Variants in HYDIN observed in about 807,000 individuals in gnomAD.
HYDIN encodes axonemal central pair apparatus protein HYDIN.
In HYDIN, 132 loss-of-function variants were observed where a neutral mutation model predicts 403.9. The ratio of observed to expected loss-of-function variants is 0.33; its 90% CI spans 0.28 to 0.38. The LOEUF is 0.38. Ranked by LOEUF, HYDIN falls within the 10% of genes least tolerant of loss-of-function variation. The pLI is 1.00. For missense variants in HYDIN, 2,827 were observed against 5,009.5 expected (o/e 0.56, Z 13.15); for synonymous variants, 1,202 against 1,891.7 (o/e 0.64, Z 9.46).
intron 23 of HYDIN, among the ~76,000 whole-genome samples, chr16:71,003,224 A>T (rs2079779426): frequency 1.3e-5 from 2 of 152,146 alleles, no homozygotes; most frequent in African/African-American, 4.8e-5. Flanking sequence ...GGCTAGTCTT[A>T]TCCCTCTTCT....
At chr16:71,141,381 A>C (rs1406882626) in intron 7 of HYDIN, among the ~76,000 whole-genome samples, 1 of 151,962 alleles carries the variant, frequency 6.6e-6, no homozygotes, top group Non-Finnish European at 1.5e-5. Flanking sequence ...AAAACAATAT[A>C]AATGAGAATT....
At chr16:70,819,021 C>T (rs1224752184) in intron 83 of HYDIN, among the ~76,000 whole-genome samples, 2 of 149,508 alleles carry the variant, frequency 1.3e-5, no homozygotes, top group African/African-American at 5.1e-5. Flanking sequence ...TCAAGTGATT[C>T]TCCTGCATCA....
rs922914817 is a variant in HYDIN at position 70,850,249 on chromosome 16, C to T, written c.12651+199G>A. Among the ~76,000 whole-genome samples the T allele has an allele frequency of 4.2e-5, 6 of 144,244 alleles. No individual in the cohort carries two copies. The South Asian group carries it at 6.3e-4, about 15-fold the overall frequency. 94.6% of individuals were successfully genotyped at this position (144,244 alleles called of 152,430 possible). ...TTCTTCTCCCCACCATCTCTCCACC[C>T]CCCCCTGAAAATAAAATAAGAAAAG... On this transcript the variant is annotated intron_variant, in intron 74 of 85. Coordinates refer to ENST00000393567, the MANE Select transcript of HYDIN (RefSeq NM_001270974.2).
At chr16:70,872,405 TC>T (rs1407602114) in intron 64 of HYDIN, among the ~76,000 whole-genome samples, 3,379 of 140,280 alleles carry the variant, frequency 0.024, 147 homozygotes, top group African/African-American at 0.096. Context: ...CATCCATCCA[TC>T]CATCCATCAT....
rs1464022500 is a variant in HYDIN at position 70,902,815 on chromosome 16, A to T, written c.8849+810T>A. On this transcript the variant is annotated intron_variant, in intron 52 of 85. Coordinates refer to ENST00000393567, the MANE Select transcript of HYDIN (RefSeq NM_001270974.2). ...TTTAAATATATATATATATATATAT[A>T]TATATATTTTTTTTTTTTTTTTTGT... Among the ~76,000 whole-genome samples, 13 of 16,292 alleles carry T rather than the reference A, an allele frequency of 8.0e-4. 1 individual carries two copies. The highest frequency in any genetic ancestry group is 2.8e-3 in the African/African-American group (11 of 3,896). 10.7% of individuals were successfully genotyped at this position (16,292 alleles called of 152,430 possible).
rs115761180 is a variant in HYDIN, at chr16:71,230,689, C to T, written c.-151G>A. On this transcript the variant is annotated 5_prime_UTR_variant, in exon 1 of 86. Transcript: ENST00000393567. ...CTTGAAGCCGCCCGCACTCTCCATG[C>T]GCCGCCCGAGCTGTTGCCGTCCGTT... 3.3e-6 allele frequency: 5 copies of T among 1,536,066 alleles called. No homozygotes were observed. In the Admixed American group the frequency reaches 7.8e-5, roughly 24 times the overall value.
At chr16:71,163,189 C>A (rs1165073431) in intron 5 of HYDIN, among the ~76,000 whole-genome samples, 3 of 145,006 alleles carry the variant, frequency 2.1e-5, no homozygotes, top group African/African-American at 7.7e-5. Context: ...GTGGCGCAAT[C>A]TCTGCTCACT....
At chr16:71,053,032 T>C (rs2081717434) in intron 18 of HYDIN, among the ~76,000 whole-genome samples, 1 of 151,886 alleles carries the variant, frequency 6.6e-6, no homozygotes, top group Non-Finnish European at 1.5e-5. Context: ...ATATAACATC[T>C]ATAAATAAAT....
chr16:71,197,078 T>C (rs1288202335), intron 1 of HYDIN, among the ~76,000 whole-genome samples: 4 of 152,170 alleles, frequency 2.6e-5, no homozygotes, highest in Non-Finnish European at 5.9e-5. Flanking sequence ...AAGAACCCTC[T>C]CTTGGGGTCT....
chr16:71,102,157 A>C (rs1340279559), intron 10 of HYDIN, among the ~76,000 whole-genome samples: 1 of 151,948 alleles, frequency 6.6e-6, no homozygotes, highest in African/African-American at 2.4e-5. Context: ...AAAACCAAGG[A>C]AATGATTAAC....
chr16:70,863,477 T>C (rs1390757678), intron 67 of HYDIN, among the ~76,000 whole-genome samples: 1 of 152,202 alleles, frequency 6.6e-6, no homozygotes, highest in Non-Finnish European at 1.5e-5. Context: ...GCAGTAATCC[T>C]AAACCCCCAC....
At chr16:70,961,307 C>T (rs1337555083) in intron 38 of HYDIN, among the ~76,000 whole-genome samples, 2 of 151,998 alleles carry the variant, frequency 1.3e-5, no homozygotes, top group Non-Finnish European at 2.9e-5. Flanking sequence ...CTCAGTTTTG[C>T]CATTACATGT....
intron 64 of HYDIN, among the ~76,000 whole-genome samples, chr16:70,872,591 C>A (rs1431278118): frequency 1.3e-5 from 2 of 150,604 alleles, no homozygotes; most frequent in African/African-American, 4.9e-5. Flanking sequence ...ATCCATCCAC[C>A]CACCCATCCA....
chr16:71,179,406 A>G (rs748846277), intron 3 of HYDIN, among the ~76,000 whole-genome samples: 13 of 152,158 alleles, frequency 8.5e-5, no homozygotes, highest in Non-Finnish European at 1.5e-4. Context: ...TCAAAAACGA[A>G]GTTTGAATAA....
chr16:70,989,988 T>C (rs1041919040), intron 25 of HYDIN, among the ~76,000 whole-genome samples: 6 of 152,226 alleles, frequency 3.9e-5, no homozygotes, highest in African/African-American at 1.2e-4. Context: ...GCAAGCAAGA[T>C]GGTCGAGTCT....
chr16:71,020,211 C>T lies in HYDIN; in HGVS notation c.3293G>A (p.Cys1098Tyr). ...CGGCAGCAGGGATTTATCAGTCTCACATATAAAGAAGGGTCCAGATGTTGA... is the reference window on the plus strand; with the variant it reads ...CGGCAGCAGGGATTTATCAGTCTCATATATAAAGAAGGGTCCAGATGTTGA... ...LLSTSGPFFICETDKSLLPAT... is the reference protein window; with the variant it reads ...LLSTSGPFFIYETDKSLLPAT... Residue 1098 changes from cysteine (C) to tyrosine (Y), a missense_variant, in exon 22 of 86, where the codon TGT becomes TAT. Cys to Tyr is a radical substitution (Grantham distance 194). Coordinates refer to ENST00000393567, the MANE Select transcript of HYDIN (RefSeq NM_001270974.2). 6.2e-7 allele frequency: 1 copy of T among 1,613,674 alleles called. No individual in the cohort carries two copies. The highest frequency in any genetic ancestry group is 1.1e-5 in the South Asian group (1 of 90,896).
Position 70,889,761 on chromosome 16 carries a change from C to T in HYDIN, c.9657-57G>A, listed in dbSNP as rs201344547. 1.4e-4 allele frequency: 92 copies of T among 650,224 alleles called. No individual in the cohort carries two copies. The East Asian group carries it at 2.5e-3, about 18-fold the overall frequency. 40.3% of individuals were successfully genotyped at this position (650,224 alleles called of 1,614,324 possible). The stretch of plus-strand genomic sequence containing the variant: ...TTGTGGGGTCGGGGGTAACATTAGA[C>T]ACCACCTGTCTGTTTTCTTGCAAGG... On this transcript the variant is annotated intron_variant, in intron 57 of 85. Transcript: ENST00000393567.
intron 14 of HYDIN, among the ~76,000 whole-genome samples, 188 bp downstream of exon 14, chr16:71,069,079 T>TG (rs1057192513): frequency 6.6e-6 from 1 of 151,528 alleles, no homozygotes; most frequent in African/African-American, 2.4e-5. Flanking sequence ...ACTGGCACAG[T>TG]GCCCATTGCT....
chr16:71,133,844 G>A (rs1597853123), intron 8 of HYDIN, among the ~76,000 whole-genome samples: 2 of 151,066 alleles, frequency 1.3e-5, no homozygotes, highest in African/African-American at 4.9e-5. Context: ...CAAGTCTCAG[G>A]AAAACATCAA....
Sources: gnomAD v4.1 joint callset for allele counts (sites outside exome capture counted in the v4.1 genomes callset) on GRCh38, gnomAD v4.1.1 for gene constraint, MANE v1.5 for transcripts, NCBI Gene and HGNC (gene_info 2026-07-23, HGNC 2026-07-21) for gene names.